The following ANXA4 variants were observed in gnomAD, a reference collection of about 807,000 sequenced individuals.
The protein encoded by ANXA4 is annexin A4, also known as 35-beta calcimedin.
Under a neutral mutation model 49.8 loss-of-function variants are expected in ANXA4, and 39 were observed. The ratio of observed to expected loss-of-function variants is 0.78; its 90% CI spans 0.61 to 1.02. The LOEUF (loss-of-function observed/expected upper bound fraction) is 1.02, where lower values mean the gene tolerates loss of function less well. Among genes scored for constraint, ANXA4 ranks in the 50% least tolerant of loss-of-function variants. The pLI, the probability that ANXA4 is intolerant of heterozygous loss-of-function variation, is 0.00. For missense variants in ANXA4, 360 were observed against 410.1 expected, an observed-to-expected ratio of 0.88 and a Z score of 1.05; for synonymous variants, 134 against 152.5, an observed-to-expected ratio of 0.88 and a Z score of 0.89.
chr2:69,723,904 C>T (rs973939247), intron 3 of ANXA4, among the ~76,000 whole-genome samples: 12 of 152,174 alleles, frequency 7.9e-5, no homozygotes, highest in African/African-American at 2.7e-4. Flanking sequence ...TACCCTTTCT[C>T]CATTTCAGCT....
At chr2:69,783,512 G>C (rs1672287034) in intron 2 of ANXA4, among the ~76,000 whole-genome samples, 1 of 152,298 alleles carries the variant, frequency 6.6e-6, no homozygotes, top group East Asian at 1.9e-4. Context: ...ACCGCGCCCA[G>C]CTTTCTTCTT....
intron 8 of ANXA4, among the ~76,000 whole-genome samples, chr2:69,812,981 C>T (rs998843221): frequency 3.9e-5 from 6 of 152,136 alleles, no homozygotes; most frequent in Non-Finnish European, 8.8e-5. Context: ...TTCCGAATCC[C>T]GTGGAGGTGA....
At chr2:69,738,881 A>G (rs1415524324), upstream of ANXA4, among the ~76,000 whole-genome samples, 1 of 152,188 alleles carries the variant, frequency 6.6e-6, no homozygotes, top group Non-Finnish European at 1.5e-5. Flanking sequence ...TGCCAGGTGG[A>G]ATAGAAGAAT....
At chr2:69,751,813 G>A (rs2068927) in intron 1 of ANXA4, among the ~76,000 whole-genome samples, 45,390 of 152,048 alleles carry the variant, frequency 0.3, 6,746 homozygotes, top group East Asian at 0.36. Context: ...GAACCTTGGC[G>A]TAGGGTCTTC....
chr2:69,675,380 AT>A (rs1289366547), intron 2 of ANXA4, among the ~76,000 whole-genome samples: 1 of 152,238 alleles, frequency 6.6e-6, no homozygotes, highest in Non-Finnish European at 1.5e-5. Flanking sequence ...CCTTATAGTC[AT>A]GTTGACAATA....
intron 3 of ANXA4, among the ~76,000 whole-genome samples, chr2:69,721,904 A>C (rs931138250): frequency 6.6e-6 from 1 of 152,196 alleles, no homozygotes; most frequent in Non-Finnish European, 1.5e-5. Context: ...GCAAGTTAGG[A>C]TGAAAATGGA....
At chr2:69,797,512 A>G (rs765536164) in intron 3 of ANXA4, among the ~76,000 whole-genome samples, 1 of 152,186 alleles carries the variant, frequency 6.6e-6, no homozygotes, top group Non-Finnish European at 1.5e-5. Context: ...TAACACTTGC[A>G]TTTAAGCAAG....
At chr2:69,649,128 T>C (rs939558301) in intron 1 of ANXA4, among the ~76,000 whole-genome samples, 12 of 151,930 alleles carry the variant, frequency 7.9e-5, no homozygotes, top group Non-Finnish European at 1.5e-4. Context: ...TCAGGTGATC[T>C]GCCCACCTCA....
intron 1 of ANXA4, among the ~76,000 whole-genome samples, chr2:69,754,637 G>A (rs1670976046): frequency 1.3e-5 from 2 of 152,166 alleles, no homozygotes. Flanking sequence ...TTGGGCCTAA[G>A]AATTGTACTT....
intron 3 of ANXA4, among the ~76,000 whole-genome samples, chr2:69,727,406 A>G (rs1359140270): frequency 6.6e-6 from 1 of 152,192 alleles, no homozygotes; most frequent in Non-Finnish European, 1.5e-5. Context: ...CAATCTGATA[A>G]CATTTGGTAT....
At chr2:69,732,714 C>G (rs1421294270) in intron 3 of ANXA4, among the ~76,000 whole-genome samples, 2 of 151,884 alleles carry the variant, frequency 1.3e-5, no homozygotes, top group Non-Finnish European at 2.9e-5. Flanking sequence ...GCTGAGATCG[C>G]ACCATTGCAC....
In ANXA4 at chr2:69,781,569, G is replaced by T; in HGVS notation, c.4G>T (p.Ala2Ser). M[A>S]MATKGGTVKA... is the part of the protein sequence containing the mutation. ...ACTCTGATCTTGACCTAGAGTCATG[G>T]CCATGGTAAGTTGTGAAATACCTCA... is the stretch of plus-strand genomic sequence containing the variant. The change falls in exon 2 of 13, where the codon GCC (alanine) becomes TCC (serine). Residue 2 changes from alanine (A) to serine (S), a missense_variant. By Grantham distance (99) the Ala-to-Ser change is moderately conservative. Transcript: ENST00000394295. 6.2e-7 allele frequency: 1 copy of T among 1,614,020 alleles called. No homozygotes were observed. Among genetic ancestry groups the T allele is most frequent in the Non-Finnish European group, 8.5e-7 (1 of 1,179,996 alleles).
At chr2:69,666,428 T>C (rs969198244) in intron 2 of ANXA4, among the ~76,000 whole-genome samples, 1 of 152,200 alleles carries the variant, frequency 6.6e-6, no homozygotes. Context: ...AACAGTTTGC[T>C]AGTTTCTCAA....
intron 2 of ANXA4, among the ~76,000 whole-genome samples, chr2:69,784,115 C>G (rs1672315822): frequency 6.6e-6 from 1 of 152,116 alleles, no homozygotes; most frequent in Admixed American, 6.5e-5. Context: ...CTCTCTGTTT[C>G]CTTTGCCTGC....
chr2:69,710,236 C>T (rs1054865164), intron 2 of ANXA4, among the ~76,000 whole-genome samples: 2 of 152,098 alleles, frequency 1.3e-5, no homozygotes, highest in East Asian at 1.9e-4. Context: ...CTGCCCACTT[C>T]GGCCTCCCAA....
intron 2 of ANXA4, among the ~76,000 whole-genome samples, chr2:69,700,676 A>G (rs547703306): frequency 7.2e-5 from 11 of 152,322 alleles, no homozygotes; most frequent in Non-Finnish European, 1.0e-4. Context: ...ACCTTTTCAA[A>G]ATCTCTACGG....
At chr2:69,800,744 T>TG (rs751630241) in intron 3 of ANXA4, among the ~76,000 whole-genome samples, 135 of 152,256 alleles carry the variant, frequency 8.9e-4, no homozygotes, top group African/African-American at 3.2e-3. Flanking sequence ...AGGGGAGTCA[T>TG]GGTAAATCCA....
intron 11 of ANXA4, among the ~76,000 whole-genome samples, 154 bp from the exon 12 acceptor site, chr2:69,820,545 T>A (rs1158489312): frequency 6.6e-6 from 1 of 152,110 alleles, no homozygotes; most frequent in Non-Finnish European, 1.5e-5. Context: ...TTGAATACCA[T>A]GATAAAGAGT....
chr2:69,660,156 G>C (rs1676658838), intron 2 of ANXA4, among the ~76,000 whole-genome samples: 1 of 151,922 alleles, frequency 6.6e-6, no homozygotes, highest in Non-Finnish European at 1.5e-5. Context: ...AGAAGAAAGA[G>C]TTAGAAAAAA....
Sources: gnomAD v4.1 joint callset for allele counts (sites outside exome capture counted in the v4.1 genomes callset) on GRCh38, gnomAD v4.1.1 for gene constraint, MANE v1.5 for transcripts, NCBI Gene and HGNC (gene_info 2026-07-23, HGNC 2026-07-21) for gene names.